The following NLRP5 variants were observed in gnomAD, a reference collection of about 807,000 sequenced individuals.
The protein encoded by NLRP5 is NLR family pyrin domain containing 5.
Under a neutral mutation model 113.1 loss-of-function variants are expected in NLRP5, and 93 were observed. That is an observed-to-expected ratio of 0.82 (90% CI 0.70 to 0.98). The LOEUF (loss-of-function observed/expected upper bound fraction) is 0.98, where lower values mean the gene tolerates loss of function less well. Among genes scored for constraint, NLRP5 ranks in the 50% least tolerant of loss-of-function variants. The pLI, the probability that NLRP5 is intolerant of heterozygous loss-of-function variation, is 0.00. For missense variants in NLRP5, 1,808 were observed against 1,514.3 expected, an observed-to-expected ratio of 1.19 and a Z score of -3.22; for synonymous variants, 751 against 600.7, an observed-to-expected ratio of 1.25 and a Z score of -3.66.
In NLRP5 at chr19:56,061,685, A is replaced by G; in HGVS notation, c.*157A>G. On this transcript the variant is annotated 3_prime_UTR_variant, in exon 15 of 15. Coordinates refer to ENST00000390649, the MANE Select transcript of NLRP5 (RefSeq NM_153447.4). ...CAATGGTAGTGATTCTTCTGTGTTC[A>G]CTCTACGTTGGTTACTGGATTTGAA... The G allele has an allele frequency of 1.2e-6, 1 of 808,080 alleles. No individual in the cohort carries two copies. The highest frequency in any genetic ancestry group is 2.5e-5 in the Admixed American group (1 of 39,442). 50.1% of individuals were successfully genotyped at this position (808,080 alleles called of 1,614,324 possible). A position where few individuals can be genotyped will look rare whatever the true frequency, so the allele number is the denominator to read the frequency against.
At chr19:56,045,882 G>A (rs306437) in intron 11 of NLRP5, among the ~76,000 whole-genome samples, 23,830 of 152,134 alleles carry the variant, frequency 0.16, 1,962 homozygotes, top group Middle Eastern at 0.22. Flanking sequence ...AATCAGCTAA[G>A]ACAGGAGCTA....
Position 56,027,400 on chromosome 19 carries a change from C to T in NLRP5, c.1167C>T (p.Thr389=), listed in dbSNP as rs1368915213. Reference sequence around the variant, plus strand: ...GGGCTGAGAAGCAGCCTCCGTTCACCCTCATACGCAGTCTGCTGAGGAAGG... The same window carrying T: ...GGGCTGAGAAGCAGCCTCCGTTCACTCTCATACGCAGTCTGCTGAGGAAGG... Residue 389 remains threonine, a synonymous_variant, in exon 7 of 15, where the codon ACC becomes ACT. Coordinates refer to ENST00000390649, the MANE Select transcript of NLRP5 (RefSeq NM_153447.4). The T allele has an allele frequency of 2.5e-6, 4 of 1,613,496 alleles. No individual in the cohort carries two copies. Among genetic ancestry groups the T allele is most frequent in the Admixed American group, 1.7e-5 (1 of 59,946 alleles).
Position 56,028,178 on chromosome 19 carries a change from C to T in NLRP5, c.1945C>T (p.Leu649=). Residue 649 remains leucine, a synonymous_variant, in exon 7 of 15, where the codon CTG becomes TTG. Transcript: ENST00000390649. ...CGTGAGCGAAGACGTAAGGAGGCCA[C>T]TGGAGGTCCTGCTGGGCTGTCCCGT... is the stretch of plus-strand genomic sequence containing the variant. 1 of 1,614,012 alleles carries T rather than the reference C, an allele frequency of 6.2e-7. No individual in the cohort carries two copies. The highest frequency in any genetic ancestry group is 1.1e-5 in the South Asian group (1 of 91,086).
At chr19:55,998,849 TG>T (rs1177307146), upstream of NLRP5, among the ~76,000 whole-genome samples, 2 of 151,096 alleles carry the variant, frequency 1.3e-5, no homozygotes, top group Non-Finnish European at 1.5e-5. Context: ...TACAATGCGA[TG>T]TTTAGATATA....
chr19:56,028,817 T>A (rs1434928659), intron 7 of NLRP5, among the ~76,000 whole-genome samples: 2 of 152,018 alleles, frequency 1.3e-5, no homozygotes, highest in African/African-American at 4.8e-5. Flanking sequence ...CAGGCTGGAG[T>A]GTAGTGGCAC....
chr19:56,044,021 T>C (rs1983629088), intron 11 of NLRP5, among the ~76,000 whole-genome samples: 3 of 151,968 alleles, frequency 2.0e-5, no homozygotes, highest in Middle Eastern at 3.2e-3. Context: ...TTTTCCCATG[T>C]TATCTTCTAG....
At chr19:56,010,563 G>A (rs1199313821) in intron 3 of NLRP5, among the ~76,000 whole-genome samples, 1 of 150,020 alleles carries the variant, frequency 6.7e-6, no homozygotes, top group Admixed American at 6.7e-5. Context: ...TGACCAACAT[G>A]GAGACACCCC....
intron 7 of NLRP5, among the ~76,000 whole-genome samples, chr19:56,032,026 G>T (rs1359154728): frequency 6.6e-6 from 1 of 152,068 alleles, no homozygotes; most frequent in African/African-American, 2.4e-5. Flanking sequence ...TTACGTTCAA[G>T]TGGGGCTGGA....
At chr19:55,999,527 G>A (rs1444690642), upstream of NLRP5, among the ~76,000 whole-genome samples, 1 of 152,060 alleles carries the variant, frequency 6.6e-6, no homozygotes, top group Non-Finnish European at 1.5e-5. Flanking sequence ...TGCTCAGGAC[G>A]TCTCGGTCTG....
At chr19:56,007,650 T>C (rs1981976948) in intron 2 of NLRP5, among the ~76,000 whole-genome samples, 1 of 150,940 alleles carries the variant, frequency 6.6e-6, no homozygotes, top group Admixed American at 6.6e-5. Context: ...GTAGAAGCAA[T>C]TACATAGTTT....
chr19:56,056,496 G>C (rs1415592465), intron 13 of NLRP5, among the ~76,000 whole-genome samples: 3 of 152,052 alleles, frequency 2.0e-5, no homozygotes, highest in Non-Finnish European at 4.4e-5. Flanking sequence ...GGCGGAGGTT[G>C]CAGTGAACCG....
At chr19:56,044,536 G>T (rs964200299) in intron 11 of NLRP5, among the ~76,000 whole-genome samples, 1 of 152,084 alleles carries the variant, frequency 6.6e-6, no homozygotes, top group Non-Finnish European at 1.5e-5. Context: ...AAGTATTTGG[G>T]TTTATTTCTG....
chr19:56,027,434 C>T lies in NLRP5; in HGVS notation c.1201C>T (p.Pro401Ser). 1 of 1,613,602 alleles carries T rather than the reference C, an allele frequency of 6.2e-7. No homozygotes were observed. The highest frequency in any genetic ancestry group is 1.3e-5 in the African/African-American group (1 of 75,056). The change falls in exon 7 of 15, where the codon CCT (proline) becomes TCT (serine). Residue 401 changes from proline (P) to serine (S), a missense_variant. Coordinates refer to ENST00000390649, the MANE Select transcript of NLRP5 (RefSeq NM_153447.4). ...CAGTCTGCTGAGGAAGGTCCTGCTC[C>T]CTGAGTCCTTCCTGATCGTCACCGT...
chr19:55,988,496 T>G, the NLRP5 span: 1 of 146,336 alleles, frequency 6.8e-6, no homozygotes, highest in African/African-American at 2.5e-5. Context: ...ATGAAATGCT[T>G]TGAGTCACCT....
chr19:56,008,771 TTTTC>T lies in NLRP5; in HGVS notation c.443-13_443-10del. On this transcript the variant is annotated splice_polypyrimidine_tract_variant and intron_variant, in intron 2 of 14. Coordinates refer to ENST00000390649, the MANE Select transcript of NLRP5 (RefSeq NM_153447.4). ...TGACTTCATTGAGGCCAGTCTCCCT[TTTTC>T]TTTGTCTTCCAGGACATTCACCAGA... 6.2e-7 allele frequency: 1 copy of T among 1,600,008 alleles called. No individual in the cohort carries two copies. The highest frequency in any genetic ancestry group is 8.5e-7 in the Non-Finnish European group (1 of 1,172,832).
In NLRP5 at chr19:56,005,107, A is replaced by AAAAT. The variant is rs1173746273; in HGVS notation, c.442+1013_442+1014insAATA. ...AGACTGTGTCTCAAAAAAAAAAAAA[A>AAAAT]ATATATATATATATATATAATATAT... On this transcript the variant is annotated intron_variant, in intron 2 of 14. Coordinates refer to ENST00000390649, the MANE Select transcript of NLRP5 (RefSeq NM_153447.4). Among the ~76,000 whole-genome samples, 50 of 95,322 alleles carry AAAAT rather than the reference A, an allele frequency of 5.2e-4. 2 individuals carry two copies. The highest frequency in any genetic ancestry group is 3.2e-3 in the Admixed American group (29 of 9,142). The allele number at this position is 95,322 out of a possible 152,430, so 62.5% of individuals were successfully genotyped here.
At chr19:56,031,834 T>G (rs1983127581) in intron 7 of NLRP5, among the ~76,000 whole-genome samples, 2 of 152,156 alleles carry the variant, frequency 1.3e-5, no homozygotes, top group Non-Finnish European at 2.9e-5. Flanking sequence ...ATGTAAGTTT[T>G]CCAGATCTGA....
At chr19:56,025,568 G>A (rs1982809702) in intron 6 of NLRP5, among the ~76,000 whole-genome samples, 1 of 47,062 alleles carries the variant, frequency 2.1e-5, no homozygotes, top group Non-Finnish European at 4.9e-5. Context: ...AACATGTCTG[G>A]CTAACTTTTT....
chr19:56,008,364 A>T (rs1982032210), intron 2 of NLRP5, among the ~76,000 whole-genome samples: 1 of 152,128 alleles, frequency 6.6e-6, no homozygotes, highest in South Asian at 2.1e-4. Flanking sequence ...TGCAAAAAGT[A>T]GATTGGGGGA....
Sources: gnomAD v4.1 joint callset for allele counts (sites outside exome capture counted in the v4.1 genomes callset) on GRCh38, gnomAD v4.1.1 for gene constraint, MANE v1.5 for transcripts, NCBI Gene and HGNC (gene_info 2026-07-23, HGNC 2026-07-21) for gene names.